The following TRPM3 variants were observed in gnomAD, a reference collection of about 807,000 sequenced individuals.
The protein encoded by TRPM3 is long transient receptor potential channel 3.
A neutral mutation model predicts 181.2 loss-of-function variants in TRPM3; 77 were observed. The ratio of observed to expected loss-of-function variants is 0.42; its 90% CI spans 0.35 to 0.51. TRPM3 has a LOEUF of 0.51. Ranked by LOEUF, TRPM3 falls within the 20% of genes least tolerant of loss-of-function variation. The pLI, the probability that TRPM3 is intolerant of heterozygous loss-of-function variation, is 0.01. For synonymous variants in TRPM3, 745 were observed against 796.4 expected, an observed-to-expected ratio of 0.94 and a Z score of 1.09; for missense variants, 1,759 against 2,196.7, an observed-to-expected ratio of 0.80 and a Z score of 3.98.
intron 22 of TRPM3, among the ~76,000 whole-genome samples, chr9:70,564,937 G>T (rs993545455): frequency 6.6e-6 from 1 of 152,174 alleles, no homozygotes; most frequent in African/African-American, 2.4e-5. Flanking sequence ...GTTCAGGCTC[G>T]AATCTCTCTG....
intron 1 of TRPM3, among the ~76,000 whole-genome samples, chr9:71,148,939 T>C (rs755280115): frequency 3.9e-5 from 6 of 152,188 alleles, no homozygotes; most frequent in Non-Finnish European, 8.8e-5. Flanking sequence ...GTAGTGACTG[T>C]AGGCTGATAG....
chr9:71,213,181 A>G (rs10868983), intron 1 of TRPM3, among the ~76,000 whole-genome samples: 65,171 of 151,924 alleles, frequency 0.43, 14,358 homozygotes, highest in East Asian at 0.52. Context: ...GCCATAGGTA[A>G]TATGTATAGG....
chr9:71,259,580 T>C (rs1242227971), intron 1 of TRPM3, among the ~76,000 whole-genome samples: 3 of 152,092 alleles, frequency 2.0e-5, no homozygotes, highest in Non-Finnish European at 4.4e-5. Flanking sequence ...TAATGATCAC[T>C]ATTCTAACTG....
chr9:71,286,737 C>T (rs980560021), intron 1 of TRPM3, among the ~76,000 whole-genome samples: 1 of 151,650 alleles, frequency 6.6e-6, no homozygotes, highest in Non-Finnish European at 1.5e-5. Flanking sequence ...GTCAGCTTCT[C>T]GGATTCAATC....
chr9:71,185,947 G>C (rs1332041781), intron 1 of TRPM3, among the ~76,000 whole-genome samples: 3 of 152,050 alleles, frequency 2.0e-5, no homozygotes, highest in Non-Finnish European at 4.4e-5. Flanking sequence ...AATATTGGAG[G>C]CTACAAGTTC....
intron 24 of TRPM3, among the ~76,000 whole-genome samples, chr9:70,552,104 C>T (rs1365670569): frequency 3.3e-5 from 5 of 152,184 alleles, no homozygotes; most frequent in Non-Finnish European, 5.9e-5. Flanking sequence ...GTTTGACACA[C>T]TTTGAGAAAC....
At chr9:70,947,243 T>C (rs181882065) in intron 1 of TRPM3, among the ~76,000 whole-genome samples, 1 of 152,318 alleles carries the variant, frequency 6.6e-6, no homozygotes, top group East Asian at 1.9e-4. Flanking sequence ...TTTCATCTCA[T>C]TGTGGTTTCA....
At chr9:70,864,925 G>A (rs1794443086) in intron 1 of TRPM3, among the ~76,000 whole-genome samples, 1 of 151,062 alleles carries the variant, frequency 6.6e-6, no homozygotes, top group African/African-American at 2.4e-5. Context: ...TTTCACAGCT[G>A]ACACTTCCAT....
intron 1 of TRPM3, among the ~76,000 whole-genome samples, chr9:71,432,323 C>CTTTTTTTTTTTTTTT (rs67905820): frequency 4.2e-4 from 32 of 76,646 alleles, no homozygotes; most frequent in African/African-American, 5.3e-4. Flanking sequence ...AAAAGTAGGA[C>CTTTTTTTTTTTTTTT]TTTTTTTTTT....
At chr9:71,247,573 G>A (rs1008702304) in intron 1 of TRPM3, among the ~76,000 whole-genome samples, 1 of 152,044 alleles carries the variant, frequency 6.6e-6, no homozygotes, top group Admixed American at 6.5e-5. Flanking sequence ...CTGGAAGGGA[G>A]AAGAGGTATT....
chr9:71,425,740 T>A (rs1214207344), intron 1 of TRPM3, among the ~76,000 whole-genome samples: 1 of 152,182 alleles, frequency 6.6e-6, no homozygotes, highest in Non-Finnish European at 1.5e-5. Flanking sequence ...ATGGTTCCCA[T>A]CATGCATAGA....
intron 1 of TRPM3, among the ~76,000 whole-genome samples, chr9:70,972,654 TA>T (rs1456202403): frequency 1.3e-5 from 2 of 152,138 alleles, no homozygotes; most frequent in Non-Finnish European, 2.9e-5. Context: ...TCTTTTACTT[TA>T]AAAAAAGGAG....
chr9:70,699,998 C>T (rs959382216), intron 8 of TRPM3, among the ~76,000 whole-genome samples: 1 of 152,000 alleles, frequency 6.6e-6, no homozygotes, highest in Non-Finnish European at 1.5e-5. Context: ...TGTTTGTTTT[C>T]GTGAGACAGA....
At chr9:70,592,799 C>T (rs1032212041) in intron 21 of TRPM3, among the ~76,000 whole-genome samples, 5 of 152,234 alleles carry the variant, frequency 3.3e-5, no homozygotes, top group East Asian at 1.9e-4. Context: ...GGAGCGATCT[C>T]GGCTCACTGC....
chr9:70,879,663 T>C (rs959275630), intron 1 of TRPM3, among the ~76,000 whole-genome samples: 5 of 152,110 alleles, frequency 3.3e-5, no homozygotes, highest in African/African-American at 1.2e-4. Context: ...GTTAAAATAA[T>C]AGATATTATA....
At chr9:70,628,080 T>C (rs752067151) in intron 12 of TRPM3, among the ~76,000 whole-genome samples, 3 of 152,228 alleles carry the variant, frequency 2.0e-5, no homozygotes, top group Non-Finnish European at 4.4e-5. Flanking sequence ...GCAACCACTT[T>C]TCTCCATTAT....
intron 1 of TRPM3, among the ~76,000 whole-genome samples, chr9:70,952,051 A>G (rs1157359389): frequency 6.6e-6 from 1 of 152,224 alleles, no homozygotes; most frequent in Non-Finnish European, 1.5e-5. Flanking sequence ...TGCAAATGCA[A>G]TGCCCTGGTT....
In TRPM3 at chr9:71,326,620, C is replaced by A. The variant is rs1002794212; in HGVS notation, c.183+120033G>T. On this transcript the variant is annotated intron_variant, in intron 1 of 24. Transcript: ENST00000357533. ...AAAGACAAGGAAGTAGATGACTGGT[C>A]TTTTAATCATGCAATATTCACCCGC... 1.1e-4 allele frequency among the ~76,000 whole-genome samples: 16 copies of A among 152,290 alleles called. No homozygotes were observed. In the East Asian group the frequency reaches 1.9e-3, roughly 18 times the overall value.
At chr9:70,543,142 T>C (rs1455028085) in intron 25 of TRPM3, among the ~76,000 whole-genome samples, 2 of 152,218 alleles carry the variant, frequency 1.3e-5, no homozygotes, top group Admixed American at 1.3e-4. Context: ...CTAAGTCATT[T>C]CTCTCTGCCA....
Sources: gnomAD v4.1 joint callset for allele counts (sites outside exome capture counted in the v4.1 genomes callset) on GRCh38, gnomAD v4.1.1 for gene constraint, MANE v1.5 for transcripts, NCBI Gene and HGNC (gene_info 2026-07-23, HGNC 2026-07-21) for gene names.